Variants in ERBB4 observed in about 807,000 individuals in gnomAD.
The protein encoded by ERBB4 is receptor tyrosine-protein kinase erbB-4.
ERBB4 carries 42 observed loss-of-function variants against 158.0 expected under a neutral mutation model. The ratio of observed to expected loss-of-function variants is 0.27; its 90% CI spans 0.21 to 0.34. The LOEUF is 0.34. Ranked by LOEUF, ERBB4 falls within the 10% of genes least tolerant of loss-of-function variation. ERBB4 has a pLI of 1.00. For missense variants in ERBB4, 1,333 were observed against 1,624.1 expected, an observed-to-expected ratio of 0.82 and a Z score of 3.08; for synonymous variants, 583 against 558.7, an observed-to-expected ratio of 1.04 and a Z score of -0.61.
chr2:212,475,882 A>T (rs1331287986), intron 1 of ERBB4, among the ~76,000 whole-genome samples: 2 of 152,030 alleles, frequency 1.3e-5, no homozygotes, highest in African/African-American at 4.8e-5. Flanking sequence ...CTTTACCCTT[A>T]CTCAGTCCAA....
chr2:211,626,145 G>T (rs2069832961), intron 17 of ERBB4, among the ~76,000 whole-genome samples: 1 of 152,098 alleles, frequency 6.6e-6, no homozygotes, highest in Non-Finnish European at 1.5e-5. Context: ...GATGAAATGA[G>T]ATAACATATG....
intron 1 of ERBB4, among the ~76,000 whole-genome samples, chr2:212,353,324 T>G (rs139205838): frequency 4.6e-5 from 7 of 151,010 alleles, no homozygotes; most frequent in African/African-American, 1.7e-4. Context: ...TACAAATGTA[T>G]ATAATATATG....
intron 1 of ERBB4, among the ~76,000 whole-genome samples, chr2:212,267,189 A>G (rs2085167174): frequency 6.6e-6 from 1 of 152,062 alleles, no homozygotes; most frequent in Non-Finnish European, 1.5e-5. Context: ...TAAATTGAAG[A>G]GCTGCTTTGT....
chr2:211,624,084 T>C (rs1559358248), intron 17 of ERBB4, 40 bp from the exon 18 acceptor site: 3 of 1,613,114 alleles, frequency 1.9e-6, no homozygotes, highest in South Asian at 1.1e-5. Context: ...TTCAGTCCGA[T>C]AGTCAGTCCT....
At chr2:211,417,143 C>A (rs73067244) in intron 25 of ERBB4, among the ~76,000 whole-genome samples, 2 of 151,966 alleles carry the variant, frequency 1.3e-5, no homozygotes, top group African/African-American at 2.4e-5. Context: ...TTTTACATCA[C>A]GCTAGAGTAA....
chr2:212,177,379 A>G (rs1455240442), intron 1 of ERBB4, among the ~76,000 whole-genome samples: 1 of 151,942 alleles, frequency 6.6e-6, no homozygotes, highest in Non-Finnish European at 1.5e-5. Context: ...TGAAATTTAT[A>G]CTTTTTAATA....
chr2:212,085,938 T>G (rs75711576), intron 2 of ERBB4, among the ~76,000 whole-genome samples: 6,635 of 151,980 alleles, frequency 0.044, 193 homozygotes, highest in Non-Finnish European at 0.062. Flanking sequence ...TAACACCATT[T>G]TTTCATAAGA....
At chr2:211,644,220 A>G (rs2070703242) in intron 16 of ERBB4, among the ~76,000 whole-genome samples, 1 of 152,024 alleles carries the variant, frequency 6.6e-6, no homozygotes, top group Admixed American at 6.6e-5. Context: ...ATTAGTTTTT[A>G]TATTCTAAGA....
intron 20 of ERBB4, among the ~76,000 whole-genome samples, chr2:211,546,392 A>G (rs1363060697): frequency 6.6e-6 from 1 of 152,140 alleles, no homozygotes; most frequent in African/African-American, 2.4e-5. Flanking sequence ...ATCACATGAT[A>G]CTAATAAGAA....
intron 9 of ERBB4, among the ~76,000 whole-genome samples, chr2:211,710,151 A>T (rs2073639590): frequency 6.6e-6 from 1 of 152,160 alleles, no homozygotes; most frequent in Non-Finnish European, 1.5e-5. Flanking sequence ...GCAATTTTTT[A>T]ATATATAAAA....
chr2:212,327,913 T>C (rs181289399), intron 1 of ERBB4, among the ~76,000 whole-genome samples: 39 of 151,866 alleles, frequency 2.6e-4, no homozygotes, highest in African/African-American at 4.6e-4. Context: ...CTCTTTCTGC[T>C]TTAATCACCC....
intron 1 of ERBB4, among the ~76,000 whole-genome samples, chr2:212,179,835 T>C (rs2081799356): frequency 6.6e-6 from 1 of 151,638 alleles, no homozygotes; most frequent in Non-Finnish European, 1.5e-5. Flanking sequence ...TTACTGGGAA[T>C]GGTCTCCCAA....
intron 2 of ERBB4, among the ~76,000 whole-genome samples, chr2:211,982,036 T>A (rs906722630): frequency 3.3e-5 from 5 of 152,020 alleles, no homozygotes; most frequent in African/African-American, 1.2e-4. Context: ...ATATAATTTT[T>A]AAAATACTAT....
At chr2:211,507,516 CA>C (rs1000024366) in intron 20 of ERBB4, among the ~76,000 whole-genome samples, 3 of 152,014 alleles carry the variant, frequency 2.0e-5, no homozygotes, top group Non-Finnish European at 4.4e-5. Context: ...GCTACAGTAA[CA>C]AAAACAGCAT....
chr2:211,920,901 C>T (rs747787166), intron 3 of ERBB4, among the ~76,000 whole-genome samples: 7 of 151,638 alleles, frequency 4.6e-5, no homozygotes, highest in Non-Finnish European at 1.0e-4. Context: ...GAGTATAGAG[C>T]TACTGAAAAT....
At chr2:211,825,931 T>C (rs1270098071) in intron 3 of ERBB4, among the ~76,000 whole-genome samples, 1 of 149,166 alleles carries the variant, frequency 6.7e-6, no homozygotes, top group Non-Finnish European at 1.5e-5. Flanking sequence ...TTGGGAGCTT[T>C]GGCTTAGGAA....
rs562748473 is a variant in ERBB4 at position 211,958,885 on chromosome 2, T to C, written c.235-11269A>G. The stretch of plus-strand genomic sequence containing the variant: ...TCTGCTTTAAAAGGTACTTTAAGTA[T>C]CCTAAAAGTCTCAAAATCAGCATTC... On this transcript the variant is annotated intron_variant, in intron 2 of 27. Transcript: ENST00000342788. Among the ~76,000 whole-genome samples the C allele has an allele frequency of 1.8e-3, 268 of 152,154 alleles. 1 individual carries two copies. Among genetic ancestry groups the C allele is most frequent in the African/African-American group, 6.3e-3 (262 of 41,544 alleles).
At chr2:212,159,797 T>A (rs1315639018) in intron 1 of ERBB4, among the ~76,000 whole-genome samples, 1 of 152,002 alleles carries the variant, frequency 6.6e-6, no homozygotes, top group Non-Finnish European at 1.5e-5. Flanking sequence ...TGTTCTGAAA[T>A]GCTACGTACA....
At position 211,788,047 on chromosome 2, in the gene ERBB4, C is replaced by G. The variant is rs766645227; in HGVS notation, c.534G>C (p.Val178=). 6.2e-7 allele frequency: 1 copy of G among 1,613,546 alleles called. No homozygotes were observed. Among genetic ancestry groups the G allele is most frequent in the South Asian group, 1.1e-5 (1 of 91,058 alleles). ...TACATCCTGAACTACCATTTGTTGA[C>G]ACAAGAGTCAAGTTGGAAGGCCATG... The part of the protein sequence containing the change: ...RNPWPSNLTL[V]STNGSSGCGR... The change falls in exon 4 of 28, where the codon GTG becomes GTC. Residue 178 remains valine (V), a synonymous_variant. Transcript: ENST00000342788.
Sources: gnomAD v4.1 joint callset for allele counts (sites outside exome capture counted in the v4.1 genomes callset) on GRCh38, gnomAD v4.1.1 for gene constraint, MANE v1.5 for transcripts, NCBI Gene and HGNC (gene_info 2026-07-23, HGNC 2026-07-21) for gene names.